The following TRUB1 variants were observed in gnomAD, a reference collection of about 807,000 sequenced individuals.
The protein encoded by TRUB1 is pseudouridylate synthase TRUB1.
In TRUB1, 23 loss-of-function variants were observed where a neutral mutation model predicts 33.9. The observed-to-expected ratio is 0.68, with a 90% CI of 0.49 to 0.96. The LOEUF is 0.96. TRUB1 is among the 40% of genes least tolerant of loss of function. The pLI is 0.00. For missense variants in TRUB1, 378 were observed against 422.2 expected (o/e 0.90, Z 0.92); for synonymous variants, 163 against 165.4 (o/e 0.99, Z 0.11).
intron 1 of TRUB1, among the ~76,000 whole-genome samples, chr10:114,941,678 G>T (rs745496127): frequency 6.6e-6 from 1 of 151,976 alleles, no homozygotes; most frequent in African/African-American, 2.4e-5. Flanking sequence ...GAGATAAGCC[G>T]GGCTGGCATC....
chr10:114,946,387 G>C (rs1433357524), intron 2 of TRUB1, among the ~76,000 whole-genome samples: 2 of 151,760 alleles, frequency 1.3e-5, no homozygotes, highest in Non-Finnish European at 2.9e-5. Flanking sequence ...TGTTGTCCAG[G>C]CTTGAGTGCG....
intron 1 of TRUB1, among the ~76,000 whole-genome samples, chr10:114,941,263 A>G (rs928122075): frequency 6.6e-6 from 1 of 152,094 alleles, no homozygotes; most frequent in African/African-American, 2.4e-5. Context: ...ATCAAAAACA[A>G]TTTATATTTA....
Position 114,961,928 on chromosome 10 carries a change from G to A in TRUB1, c.523+2121G>A, listed in dbSNP as rs12246658. 3.4e-3 allele frequency among the ~76,000 whole-genome samples: 518 copies of A among 152,166 alleles called. 5 individuals are homozygous for A. The highest frequency in any genetic ancestry group is 0.012 in the African/African-American group (483 of 41,528). ...AGACCTATGACCAATATCTTATAAT[G>A]CCTTCTTTACTATCCTGAAATAAAA... is the stretch of plus-strand genomic sequence containing the variant. On this transcript the variant is annotated intron_variant, in intron 4 of 7. Transcript: ENST00000298746.
chr10:114,975,052 G>T, intron 7 of TRUB1, 71 bp from the exon 8 acceptor site: 1 of 1,504,174 alleles, frequency 6.6e-7, no homozygotes, highest in South Asian at 1.4e-5. Context: ...ACGGTCATTT[G>T]AACAATTACA....
chr10:114,939,845 C>A (rs1465240726), intron 1 of TRUB1, among the ~76,000 whole-genome samples: 1 of 125,234 alleles, frequency 8.0e-6, no homozygotes, highest in Non-Finnish European at 1.7e-5. Context: ...TTTTTTTTAT[C>A]CTTAAGGTAA....
chr10:114,972,033 C>A (rs1332472887), intron 5 of TRUB1, 102 bp from the exon 6 acceptor site: 1 of 1,355,090 alleles, frequency 7.4e-7, no homozygotes, highest in Non-Finnish European at 1.0e-6. Context: ...AGTCATCCTT[C>A]CTTTCCATGC....
chr10:114,965,333 T>C (rs1207087672), intron 4 of TRUB1, among the ~76,000 whole-genome samples: 4 of 152,222 alleles, frequency 2.6e-5, no homozygotes, highest in African/African-American at 9.6e-5. Flanking sequence ...GATATTAAAT[T>C]GTATCAAATT....
chr10:114,956,117 G>C (rs1297292713), intron 3 of TRUB1, among the ~76,000 whole-genome samples: 1 of 152,156 alleles, frequency 6.6e-6, no homozygotes, highest in Non-Finnish European at 1.5e-5. Context: ...GAGATGTCTA[G>C]CTAATACCTG....
At chr10:114,973,087 T>G (rs1042999416) in intron 6 of TRUB1, among the ~76,000 whole-genome samples, 8 of 152,182 alleles carry the variant, frequency 5.3e-5, no homozygotes, top group Admixed American at 2.0e-4. Flanking sequence ...TATTGCTTTT[T>G]TATTGGCATT....
rs2084358657 is a variant in TRUB1, at chr10:114,976,015, A to G, written c.*636A>G. Reference sequence around the variant, plus strand: ...GCTACCACTAACAGGTTGTAAATAGAAGACTAATACTTAATTAAAGTCACC... The same window carrying G: ...GCTACCACTAACAGGTTGTAAATAGGAGACTAATACTTAATTAAAGTCACC... On this transcript the variant is annotated 3_prime_UTR_variant, in exon 8 of 8. Coordinates refer to ENST00000298746, the MANE Select transcript of TRUB1 (RefSeq NM_139169.5). The G allele has an allele frequency of 6.6e-6, 1 of 152,596 alleles. No individual in the cohort carries two copies. Among genetic ancestry groups the G allele is most frequent in the Non-Finnish European group, 1.5e-5 (1 of 68,006 alleles). 9.5% of individuals were successfully genotyped at this position (152,596 alleles called of 1,614,324 possible).
chr10:114,944,071 G>A (rs920775208), intron 2 of TRUB1, among the ~76,000 whole-genome samples: 2 of 130,710 alleles, frequency 1.5e-5, no homozygotes, highest in Admixed American at 1.7e-4. Flanking sequence ...GCTAAAGTGT[G>A]TATACACAGG....
At chr10:114,970,565 C>T in intron 5 of TRUB1, 125 bp downstream of exon 5, 1 of 732,534 alleles carries the variant, frequency 1.4e-6, no homozygotes, top group African/African-American at 1.8e-5. Flanking sequence ...TCTGATGTGC[C>T]AAATGTTAAA....
At chr10:114,946,853 T>G (rs2084213696) in intron 2 of TRUB1, among the ~76,000 whole-genome samples, 1 of 152,126 alleles carries the variant, frequency 6.6e-6, no homozygotes, top group Admixed American at 6.5e-5. Context: ...CAAAAATACG[T>G]GGTAGGCAAA....
intron 3 of TRUB1, among the ~76,000 whole-genome samples, chr10:114,953,387 T>A (rs1224829328): frequency 8.5e-5 from 13 of 152,250 alleles, no homozygotes; most frequent in Non-Finnish European, 1.8e-4. Context: ...TTTAATTTTA[T>A]GTACCTGTTA....
At chr10:114,951,663 A>AG (rs889066904) in intron 3 of TRUB1, among the ~76,000 whole-genome samples, 1 of 152,196 alleles carries the variant, frequency 6.6e-6, no homozygotes, top group African/African-American at 2.4e-5. Flanking sequence ...TTGATAGAAG[A>AG]GAGAAGGGGT....
In TRUB1 at chr10:114,950,001, C is replaced by G. The variant is rs544893727; in HGVS notation, c.386-1093C>G. ...GCAACCTCTGCCTCTTGGGTTCAAG[C>G]GATTCTCCTGCCTTAGCCTCCCAAG... On this transcript the variant is annotated intron_variant, in intron 2 of 7. Transcript: ENST00000298746. 1.1e-4 allele frequency among the ~76,000 whole-genome samples: 17 copies of G among 149,582 alleles called. No individual in the cohort carries two copies. The East Asian group carries it at 3.3e-3, about 29-fold the overall frequency.
intron 3 of TRUB1, among the ~76,000 whole-genome samples, chr10:114,957,014 A>G (rs1312042366): frequency 6.6e-6 from 1 of 152,216 alleles, no homozygotes; most frequent in Non-Finnish European, 1.5e-5. Context: ...GAGTGGGTTG[A>G]GACTTAGCAG....
chr10:114,957,694 C>T (rs955630353), intron 3 of TRUB1, among the ~76,000 whole-genome samples: 1 of 152,142 alleles, frequency 6.6e-6, no homozygotes, highest in Non-Finnish European at 1.5e-5. Flanking sequence ...GTGCACAAAA[C>T]ACCAAGAGTC....
intron 4 of TRUB1, among the ~76,000 whole-genome samples, chr10:114,970,025 C>CAAAT (rs1405378645): frequency 1.3e-5 from 2 of 152,120 alleles, no homozygotes; most frequent in East Asian, 3.8e-4. Context: ...TTAATTACTG[C>CAAAT]AGGATCATTT....
Sources: allele counts gnomAD v4.1 joint callset (sites outside exome capture counted in the v4.1 genomes callset), GRCh38; gene constraint gnomAD v4.1.1; transcripts MANE v1.5; gene names NCBI Gene and HGNC (gene_info 2026-07-23, HGNC 2026-07-21).